The following VIRMA variants were observed in gnomAD, a reference collection of about 807,000 sequenced individuals.
VIRMA encodes protein virilizer homolog.
Under a neutral mutation model 182.4 loss-of-function variants are expected in VIRMA, and 65 were observed. The observed-to-expected ratio is 0.36, with a 90% CI of 0.29 to 0.44. The LOEUF (loss-of-function observed/expected upper bound fraction) is 0.44. Among genes scored for constraint, VIRMA ranks in the 20% least tolerant of loss-of-function variants. The pLI, the probability that VIRMA is intolerant of heterozygous loss-of-function variation, is 1.00. For synonymous variants in VIRMA, 709 were observed against 743.1 expected (o/e 0.95, Z 0.75); for missense variants, 1,752 against 2,158.1 (o/e 0.81, Z 3.73).
chr8:94,536,806 CG>C (rs1357849932), intron 4 of VIRMA, among the ~76,000 whole-genome samples: 1 of 152,010 alleles, frequency 6.6e-6, no homozygotes, highest in Non-Finnish European at 1.5e-5. Context: ...GGTGAAACCC[CG>C]TCCCTACTAA....
chr8:94,487,884 T>C lies in VIRMA; in HGVS notation c.*822A>G, dbSNP rs1465821289. On this transcript the variant is annotated 3_prime_UTR_variant, in exon 24 of 24. Transcript: ENST00000297591. The stretch of plus-strand genomic sequence containing the variant: ...TTCCTTATTTTAGGCTTTAAATAAT[T>C]TGTATAATAAAATAGTGTCAGTAGG... 1 of 152,212 alleles carries C rather than the reference T, an allele frequency of 6.6e-6. No homozygotes were observed. Among genetic ancestry groups the C allele is most frequent in the South Asian group, 2.1e-4 (1 of 4,826 alleles). 9.4% of individuals were successfully genotyped at this position (152,212 alleles called of 1,614,324 possible).
Position 94,527,043 on chromosome 8 carries a change from C to T in VIRMA, c.1201G>A (p.Val401Ile), listed in dbSNP as rs951003422. 6.8e-6 allele frequency: 11 copies of T among 1,614,074 alleles called. No homozygotes were observed. The highest frequency in any genetic ancestry group is 1.7e-5 in the Admixed American group (1 of 60,016). Residue 401 changes from valine to isoleucine, a missense_variant, in exon 8 of 24, where the codon GTA (valine) becomes ATA (isoleucine). By Grantham distance (29) the Val-to-Ile change is conservative. This residue lies in a region of VIRMA where 401 missense variants were observed against 455.1 expected (regional missense o/e 0.88). Coordinates refer to ENST00000297591, the MANE Select transcript of VIRMA (RefSeq NM_015496.5). ...LYREDRGAKW[V>I]TALEEIPSLI... ...CTTGGAATTTCTTCTAAAGCTGTTA[C>T]CCATTTTGCACCTCTATCTTCTCTA...
At chr8:94,510,918 G>A (rs1420910074) in intron 13 of VIRMA, 1 of 1,206,940 alleles carries the variant, frequency 8.3e-7, no homozygotes, top group Non-Finnish European at 1.1e-6. Flanking sequence ...AGGTGTGGGG[G>A]AAAGGATTTA....
chr8:94,526,851 A>G lies in VIRMA; in HGVS notation c.1393T>C (p.Ser465Pro). Residue 465 changes from serine (S) to proline (P), a missense_variant, in exon 8 of 24, where the codon TCA becomes CCA. By Grantham distance (74) the Ser-to-Pro change is moderately conservative. Around this residue, in one of 11 missense-constraint regions of VIRMA, gnomAD observed 401 missense variants for 455.1 expected, o/e 0.88. Transcript: ENST00000297591. ...QLKAGTKLVS[S>P]LAECGAQGVT... ...CCTTGAGCCCCACATTCTGCTAGTG[A>G]GGACACTAATTTGGTCCCAGCTTTG... is the stretch of plus-strand genomic sequence containing the variant. The G allele has an allele frequency of 6.2e-7, 1 of 1,614,218 alleles. No homozygotes were observed. The highest frequency in any genetic ancestry group is 1.1e-5 in the South Asian group (1 of 91,080).
At position 94,532,422 on chromosome 8, in the gene VIRMA, A is replaced by G. The variant is rs146193945; in HGVS notation, c.485-1337T>C. Among the ~76,000 whole-genome samples, 12 of 152,282 alleles carry G rather than the reference A, an allele frequency of 7.9e-5. No individual in the cohort carries two copies. In the East Asian group the frequency reaches 1.4e-3, roughly 17 times the overall value. ...GCATCCAGCCCAGATAAGTATTTTG[A>G]TCATGGTGTTGGTTATGCAAGGCTG... is the stretch of plus-strand genomic sequence containing the variant. On this transcript the variant is annotated intron_variant, in intron 5 of 23. Coordinates refer to ENST00000297591, the MANE Select transcript of VIRMA (RefSeq NM_015496.5).
In VIRMA at chr8:94,520,800, T is replaced by G. The variant is rs117755394; in HGVS notation, c.2022-1324A>C. 5.8e-3 allele frequency among the ~76,000 whole-genome samples: 880 copies of G among 152,270 alleles called. 6 individuals carry two copies. Among genetic ancestry groups the G allele is most frequent in the Admixed American group, 0.011 (161 of 15,296 alleles). On this transcript the variant is annotated intron_variant, in intron 8 of 23. Transcript: ENST00000297591. ...GGGATGACTGTACTATAGAAAAATA[T>G]AGTATACTCAGATTTACTACAGTAG... is the stretch of plus-strand genomic sequence containing the variant.
At chr8:94,550,290 A>ATTTTTTTTTTTTTT (rs11356608) in intron 1 of VIRMA, among the ~76,000 whole-genome samples, 1 of 143,096 alleles carries the variant, frequency 7.0e-6, no homozygotes. Flanking sequence ...TCTCTGAACC[A>ATTTTTTTTTTTTTT]TTTTTTTTTT....
intron 17 of VIRMA, chr8:94,497,309 A>T (rs1813814052): frequency 6.6e-6 from 1 of 152,042 alleles, no homozygotes; most frequent in African/African-American, 2.4e-5. Flanking sequence ...TCACTATGTT[A>T]CCTAGGCTAA....
intron 5 of VIRMA, chr8:94,533,594 T>C (rs938924576): frequency 7.6e-5 from 11 of 145,188 alleles, no homozygotes; most frequent in Admixed American, 7.1e-4. Flanking sequence ...GCACATGCCA[T>C]CGTGCCCAGC....
At chr8:94,531,519 C>T (rs944824613) in intron 5 of VIRMA, among the ~76,000 whole-genome samples, 4 of 152,106 alleles carry the variant, frequency 2.6e-5, no homozygotes, top group Non-Finnish European at 4.4e-5. Flanking sequence ...TCTGACTTCC[C>T]ACATACTGAA....
chr8:94,495,258 C>A (rs945088011), intron 19 of VIRMA, among the ~76,000 whole-genome samples: 2 of 152,164 alleles, frequency 1.3e-5, no homozygotes, highest in African/African-American at 4.8e-5. Flanking sequence ...CCTGCCTCAG[C>A]CTTCCGAAGT....
At chr8:94,551,912 G>C (rs1816000806) in intron 1 of VIRMA, among the ~76,000 whole-genome samples, 1 of 152,108 alleles carries the variant, frequency 6.6e-6, no homozygotes, top group African/African-American at 2.4e-5. Flanking sequence ...TAGAGACAGG[G>C]GTTGCACTGT....
rs570031996 is a variant in VIRMA at position 94,504,514 on chromosome 8, T to C, written c.4097+1986A>G. Among the ~76,000 whole-genome samples the C allele has an allele frequency of 1.4e-4, 22 of 152,338 alleles. No homozygotes were observed. The South Asian group carries it at 4.4e-3, about 30-fold the overall frequency. ...AGCCTTACAGATCATTATAGAGAGT[T>C]TGGATTTTAATTGAGGTACAATAGG... On this transcript the variant is annotated intron_variant, in intron 16 of 23. Transcript: ENST00000297591.
intron 8 of VIRMA, among the ~76,000 whole-genome samples, chr8:94,520,302 C>T (rs1197675655): frequency 2.0e-5 from 3 of 151,756 alleles, no homozygotes; most frequent in Non-Finnish European, 1.5e-5. Context: ...TCACACCAGC[C>T]TTGAGCAATA....
chr8:94,514,824 C>A, intron 11 of VIRMA, 45 bp downstream of exon 11: 1 of 951,588 alleles, frequency 1.1e-6, no homozygotes, highest in South Asian at 1.5e-5. Flanking sequence ...CATGTACTAC[C>A]ACACAGTTTC....
At chr8:94,490,111 C>A in intron 22 of VIRMA, 29 bp from the exon 23 acceptor site, 1 of 1,573,344 alleles carries the variant, frequency 6.4e-7, no homozygotes, top group Non-Finnish European at 8.6e-7. Context: ...ATCAAAATCA[C>A]TTTTTTCACA....
chr8:94,509,309 G>A (rs1330173658), intron 15 of VIRMA, among the ~76,000 whole-genome samples: 4 of 151,896 alleles, frequency 2.6e-5, no homozygotes, highest in Non-Finnish European at 4.4e-5. Context: ...GCTGAGGCAG[G>A]AGAATCACTT....
At chr8:94,496,624 A>C (rs775142554) in intron 17 of VIRMA, 144 bp from the exon 18 acceptor site, 94 of 568,710 alleles carry the variant, frequency 1.7e-4, no homozygotes, top group Non-Finnish European at 7.3e-5. Flanking sequence ...GCTAGTTTTA[A>C]GGATTTAGAT....
intron 8 of VIRMA, among the ~76,000 whole-genome samples, chr8:94,525,476 G>A (rs1293262074): frequency 6.6e-6 from 1 of 152,182 alleles, no homozygotes. Flanking sequence ...AAGACAAGGT[G>A]TAACAGTTTC....
Sources: allele counts gnomAD v4.1 joint callset (sites outside exome capture counted in the v4.1 genomes callset), GRCh38; gene constraint gnomAD v4.1.1; regional missense constraint gnomAD v4.1.1; transcripts MANE v1.5; gene names NCBI Gene and HGNC (gene_info 2026-07-23, HGNC 2026-07-21).